The following TMEM178B variants were observed in gnomAD, a reference collection of about 807,000 sequenced individuals.
TMEM178B encodes transmembrane protein 178B.
Under a neutral mutation model 31.0 loss-of-function variants are expected in TMEM178B, and 5 were observed. The ratio of observed to expected loss-of-function variants is 0.16; its 90% CI spans 0.08 to 0.34. The LOEUF is 0.34. TMEM178B is among the 10% of genes least tolerant of loss of function. The pLI is 1.00. For missense variants in TMEM178B, 275 were observed against 400.3 expected, an observed-to-expected ratio of 0.69 and a Z score of 2.67; for synonymous variants, 164 against 164.0, an observed-to-expected ratio of 1.00 and a Z score of 0.00.
chr7:141,150,769 G>A (rs1002167111), intron 1 of TMEM178B, among the ~76,000 whole-genome samples: 4 of 152,196 alleles, frequency 2.6e-5, no homozygotes, highest in South Asian at 2.1e-4. Context: ...CTAGTCAGCC[G>A]ACAAGACTGG....
At position 141,074,298 on chromosome 7, in the gene TMEM178B, G is replaced by T; in HGVS notation, c.-13G>T. 1 of 1,508,480 alleles carries T rather than the reference G, an allele frequency of 6.6e-7. No individual in the cohort carries two copies. The highest frequency in any genetic ancestry group is 2.5e-5 in the East Asian group (1 of 40,428). 93.4% of individuals were successfully genotyped at this position (1,508,480 alleles called of 1,614,324 possible). A position where few individuals can be genotyped will look rare whatever the true frequency, so the allele number is the denominator to read the frequency against. On this transcript the variant is annotated 5_prime_UTR_variant, in exon 1 of 4. Transcript: ENST00000565468. The surrounding 1 kb of genome is among the most constrained non-coding windows in gnomAD (Gnocchi z 5.1). ...GGCGGATCATGCCCATGGTGTAGCC[G>T]CCAAGCGGAGGCATGGCTGCCGGAA...
At chr7:141,437,475 A>G in intron 2 of TMEM178B, 133 bp from the exon 3 acceptor site, 5 of 1,197,152 alleles carry the variant, frequency 4.2e-6, no homozygotes, top group East Asian at 2.6e-5. Context: ...GTGTGCTCCT[A>G]TCTGAGAAGG....
intron 1 of TMEM178B, among the ~76,000 whole-genome samples, chr7:141,165,045 C>T (rs140620233): frequency 7.4e-4 from 113 of 152,132 alleles, no homozygotes; most frequent in African/African-American, 2.6e-3. Context: ...AGAGAGTTTC[C>T]GTGTATCCTT....
At chr7:141,327,258 C>T (rs7792108) in intron 2 of TMEM178B, among the ~76,000 whole-genome samples, 21,645 of 152,056 alleles carry the variant, frequency 0.14, 2,130 homozygotes, top group African/African-American at 0.27. Context: ...AGGAAAATGT[C>T]AAATATTGGG....
intron 1 of TMEM178B, among the ~76,000 whole-genome samples, chr7:141,138,994 A>G (rs111872819): frequency 0.055 from 8,386 of 151,934 alleles, 801 homozygotes; most frequent in African/African-American, 0.19. Context: ...AAAAAAAAAA[A>G]GAAAAAAAAA....
rs1048570672 is a variant in TMEM178B at position 141,476,443 on chromosome 7, T to A, written c.*5657T>A. 1.4e-5 allele frequency: 2 copies of A among 147,364 alleles called. No individual in the cohort carries two copies. The highest frequency in any genetic ancestry group is 3.0e-5 in the Non-Finnish European group (2 of 65,834). The allele number at this position is 147,364 out of a possible 1,614,324, so 9.1% of individuals were successfully genotyped here. A position where few individuals can be genotyped will look rare whatever the true frequency, so the allele number is the denominator to read the frequency against. The stretch of plus-strand genomic sequence containing the variant: ...AGGCACATGGTCAATGCCTTAGTAT[T>A]TTTTTTTTTAATTCTCCTAACGTTA... On this transcript the variant is annotated 3_prime_UTR_variant, in exon 4 of 4. Transcript: ENST00000565468.
intron 2 of TMEM178B, among the ~76,000 whole-genome samples, chr7:141,230,308 A>G (rs1181634608): frequency 6.6e-6 from 1 of 152,224 alleles, no homozygotes; most frequent in Admixed American, 6.5e-5. Context: ...AGAAAAACTG[A>G]GGCAGTTTAT....
At chr7:141,467,908 C>T (rs1178472112) in intron 3 of TMEM178B, among the ~76,000 whole-genome samples, 3 of 151,072 alleles carry the variant, frequency 2.0e-5, no homozygotes, top group Admixed American at 6.6e-5. Flanking sequence ...AGCTTACACT[C>T]GCCCTGGAGT....
chr7:141,407,375 G>A lies in TMEM178B; in HGVS notation c.497-30233G>A, dbSNP rs182028936. Among the ~76,000 whole-genome samples the A allele has an allele frequency of 1.2e-4, 18 of 152,332 alleles. No homozygotes were observed. The East Asian group carries it at 2.1e-3, about 18-fold the overall frequency. ...GAAAAACTGTACAACCCAGTGTCACGTAGTCAGAAGATTAACTATGCTTCT... is the reference window on the plus strand; with the variant it reads ...GAAAAACTGTACAACCCAGTGTCACATAGTCAGAAGATTAACTATGCTTCT... On this transcript the variant is annotated intron_variant, in intron 2 of 3. Transcript: ENST00000565468.
chr7:141,079,024 C>T (rs1049533041), intron 1 of TMEM178B, among the ~76,000 whole-genome samples: 4 of 152,322 alleles, frequency 2.6e-5, no homozygotes, highest in African/African-American at 4.8e-5. Context: ...CAGTGGTTCA[C>T]GCCTGTAATC....
At chr7:141,433,988 G>A (rs549656936) in intron 2 of TMEM178B, among the ~76,000 whole-genome samples, 39 of 152,324 alleles carry the variant, frequency 2.6e-4, no homozygotes, top group Admixed American at 2.1e-3. Flanking sequence ...TTGGGAGGAG[G>A]CAAAGAGTAC....
intron 2 of TMEM178B, among the ~76,000 whole-genome samples, chr7:141,306,804 A>G (rs1341083324): frequency 6.6e-6 from 1 of 152,082 alleles, no homozygotes; most frequent in Non-Finnish European, 1.5e-5. Context: ...TACCTACGTC[A>G]CACTGCTTGG....
chr7:141,413,787 T>G (rs1051038127), intron 2 of TMEM178B, among the ~76,000 whole-genome samples: 5 of 152,254 alleles, frequency 3.3e-5, no homozygotes, highest in African/African-American at 1.2e-4. Context: ...TCTGTGTTTG[T>G]TCTTAAATAA....
the TMEM178B span, among the ~76,000 whole-genome samples, chr7:141,501,613 A>T: frequency 6.6e-6 from 1 of 152,212 alleles, no homozygotes; most frequent in African/African-American, 2.4e-5. Flanking sequence ...AGTAAAACAA[A>T]TTACCCTCTG....
chr7:141,458,221 G>A (rs1220240912), intron 3 of TMEM178B, among the ~76,000 whole-genome samples: 2 of 152,222 alleles, frequency 1.3e-5, no homozygotes, highest in Non-Finnish European at 2.9e-5. Flanking sequence ...CCGGGTTCAA[G>A]CAATTATCCT....
intron 2 of TMEM178B, among the ~76,000 whole-genome samples, chr7:141,248,657 A>C (rs1440584979): frequency 3.3e-5 from 5 of 152,218 alleles, no homozygotes; most frequent in Admixed American, 3.3e-4. Flanking sequence ...GAAAAGGTAC[A>C]GTAAATATAA....
intron 2 of TMEM178B, among the ~76,000 whole-genome samples, chr7:141,328,262 A>T (rs1799233261): frequency 6.6e-6 from 1 of 152,202 alleles, no homozygotes. Flanking sequence ...TTTCTGTCCA[A>T]ACTTCACACA....
chr7:141,336,141 C>A (rs1020197078), intron 2 of TMEM178B, among the ~76,000 whole-genome samples: 1 of 152,094 alleles, frequency 6.6e-6, no homozygotes, highest in Non-Finnish European at 1.5e-5. Context: ...TCGCTGGCCC[C>A]GCCCTGGTCA....
At position 141,198,705 on chromosome 7, in the gene TMEM178B, A is replaced by G. The variant is rs76446257; in HGVS notation, c.383-13886A>G. Among the ~76,000 whole-genome samples the G allele has an allele frequency of 1.6e-4, 24 of 152,258 alleles. No homozygotes were observed. In the East Asian group the frequency reaches 4.6e-3, roughly 29 times the overall value. ...ATCTGTCTCCACTTCCTGGGTCCCC[A>G]GAGAGAAAGCATGAGCTCATTGTTT... On this transcript the variant is annotated intron_variant, in intron 1 of 3. Transcript: ENST00000565468.
Sources: allele counts gnomAD v4.1 joint callset (sites outside exome capture counted in the v4.1 genomes callset), GRCh38; gene constraint gnomAD v4.1.1; non-coding constraint Gnocchi (gnomAD v3.1); transcripts MANE v1.5; gene names NCBI Gene and HGNC (gene_info 2026-07-23, HGNC 2026-07-21).